Variants in TMEM178B observed in about 807,000 individuals in gnomAD.
TMEM178B encodes the protein transmembrane protein 178B.
A neutral mutation model predicts 31.0 loss-of-function variants in TMEM178B; 5 were observed. The observed-to-expected ratio is 0.16, with a 90% confidence interval of 0.08 to 0.34. TMEM178B has a LOEUF of 0.34. TMEM178B is among the 10% of genes least tolerant of loss of function. The probability of loss-of-function intolerance (pLI) is 1.00; values close to 1 mark genes in which losing one functional copy is unlikely to be tolerated. For missense variants in TMEM178B, 275 were observed against 400.3 expected (o/e 0.69, Z 2.67); for synonymous variants, 164 against 164.0 (o/e 1.00, Z 0.00).
At chr7:141,228,358 G>A (rs1797379662) in intron 2 of TMEM178B, among the ~76,000 whole-genome samples, 2 of 150,710 alleles carry the variant, frequency 1.3e-5, no homozygotes, top group South Asian at 4.2e-4. Context: ...AATTATTCAC[G>A]AACTCAGATT....
chr7:141,422,785 G>T lies in TMEM178B; in HGVS notation c.497-14823G>T, dbSNP rs1011452168. ...GCTCCCATGGGGAGAGAATAGAAAT[G>T]CAAGAAACTGTCACTCACCAACCTT... On this transcript the variant is annotated intron_variant, in intron 2 of 3. Coordinates refer to ENST00000565468, the MANE Select transcript of TMEM178B (RefSeq NM_001195278.2). This position sits in a 1 kb window ranked among gnomAD's most constrained non-coding sequence, Gnocchi z 4.2. Among the ~76,000 whole-genome samples, 4 of 152,124 alleles carry T rather than the reference G, an allele frequency of 2.6e-5. No individual in the cohort carries two copies. The highest frequency in any genetic ancestry group is 7.2e-5 in the African/African-American group (3 of 41,412).
intron 2 of TMEM178B, among the ~76,000 whole-genome samples, chr7:141,381,464 T>C (rs1413409831): frequency 6.6e-6 from 1 of 152,206 alleles, no homozygotes; most frequent in Non-Finnish European, 1.5e-5. Flanking sequence ...GTGTTTGTTT[T>C]TTATATTTCT....
intron 2 of TMEM178B, among the ~76,000 whole-genome samples, chr7:141,402,328 T>C (rs1800798057): frequency 6.6e-6 from 1 of 152,230 alleles, no homozygotes; most frequent in Admixed American, 6.5e-5. Flanking sequence ...TGTGTGGTAT[T>C]GGCCAGCGTG....
intron 1 of TMEM178B, among the ~76,000 whole-genome samples, chr7:141,094,437 T>C (rs911922656): frequency 6.6e-6 from 1 of 152,202 alleles, no homozygotes; most frequent in Non-Finnish European, 1.5e-5. Context: ...AACCTTACTC[T>C]ATTCTATTTG....
At chr7:141,238,427 C>G (rs746986581) in intron 2 of TMEM178B, among the ~76,000 whole-genome samples, 1 of 152,112 alleles carries the variant, frequency 6.6e-6, no homozygotes, top group Non-Finnish European at 1.5e-5. Flanking sequence ...GCTTAGCGTG[C>G]GATAGAGAGC....
At chr7:141,356,676 T>C (rs1799825709) in intron 2 of TMEM178B, among the ~76,000 whole-genome samples, 1 of 151,326 alleles carries the variant, frequency 6.6e-6, no homozygotes, top group Non-Finnish European at 1.5e-5. Flanking sequence ...TGCCTCAGGA[T>C]GAGCTGTCCA....
At chr7:141,175,229 C>T (rs1327728707) in intron 1 of TMEM178B, among the ~76,000 whole-genome samples, 1 of 152,124 alleles carries the variant, frequency 6.6e-6, no homozygotes, top group Non-Finnish European at 1.5e-5. Context: ...ATCCTTTCCC[C>T]ATTGCTTGTT....
intron 1 of TMEM178B, among the ~76,000 whole-genome samples, chr7:141,169,221 C>T (rs1047480262): frequency 6.6e-6 from 1 of 152,204 alleles, no homozygotes; most frequent in South Asian, 2.1e-4. Context: ...CGATAGGCCC[C>T]AGTGTGTTGT....
intron 1 of TMEM178B, among the ~76,000 whole-genome samples, chr7:141,208,015 C>T (rs1324363018): frequency 6.8e-6 from 1 of 147,774 alleles, no homozygotes; most frequent in Admixed American, 6.6e-5. Context: ...TATAGTGAGA[C>T]CCCCATCTCT....
chr7:141,212,495 A>G, intron 1 of TMEM178B, 96 bp from the exon 2 acceptor site: 1 of 994,988 alleles, frequency 1.0e-6, no homozygotes, highest in Non-Finnish European at 1.5e-6. Flanking sequence ...AATATGAAAG[A>G]AGTCTTCTTC....
chr7:141,484,272 G>A (rs1802522709), downstream of TMEM178B, among the ~76,000 whole-genome samples: 1 of 152,140 alleles, frequency 6.6e-6, no homozygotes, highest in Non-Finnish European at 1.5e-5. The surrounding 1 kb of genome is among the most constrained non-coding windows in gnomAD (Gnocchi z 4.8). Flanking sequence ...GAAAATCTGG[G>A]ATTGAAAATA....
intron 1 of TMEM178B, among the ~76,000 whole-genome samples, chr7:141,203,195 A>C (rs1796907019): frequency 6.6e-6 from 1 of 152,182 alleles, no homozygotes; most frequent in Admixed American, 6.5e-5. Flanking sequence ...ACGAAGCCTG[A>C]GCCTTAAATC....
the TMEM178B span, among the ~76,000 whole-genome samples, chr7:141,493,170 C>G: frequency 6.6e-6 from 1 of 152,158 alleles, no homozygotes; most frequent in Non-Finnish European, 1.5e-5. Context: ...TGTGTGACAT[C>G]TCCCCAACCC....
Position 141,470,842 on chromosome 7 carries a change from T to C in TMEM178B, c.*56T>C. ...TAAATATATATATATAATATACATA[T>C]ATAAAACAAAACAAAACTAAATCAA... is the stretch of plus-strand genomic sequence containing the variant. On this transcript the variant is annotated 3_prime_UTR_variant, in exon 4 of 4. Coordinates refer to ENST00000565468, the MANE Select transcript of TMEM178B (RefSeq NM_001195278.2). 2 of 955,612 alleles carry C rather than the reference T, an allele frequency of 2.1e-6. No homozygotes were observed. Among genetic ancestry groups the C allele is most frequent in the Non-Finnish European group, 2.6e-6 (2 of 772,022 alleles). 59.2% of individuals were successfully genotyped at this position (955,612 alleles called of 1,614,324 possible). A position where few individuals can be genotyped will look rare whatever the true frequency, so the allele number is the denominator to read the frequency against.
chr7:141,248,128 T>G (rs547967828), intron 2 of TMEM178B, among the ~76,000 whole-genome samples: 36 of 152,178 alleles, frequency 2.4e-4, no homozygotes, highest in African/African-American at 8.7e-4. Context: ...TGGGGATACG[T>G]GGCCGGGCAC....
intron 2 of TMEM178B, among the ~76,000 whole-genome samples, chr7:141,274,270 C>T (rs1363058998): frequency 6.6e-6 from 1 of 152,188 alleles, no homozygotes; most frequent in Non-Finnish European, 1.5e-5. Context: ...TTGTTTTATT[C>T]AGTCTTATGC....
chr7:141,261,441 T>C (rs1798010738), intron 2 of TMEM178B, among the ~76,000 whole-genome samples: 1 of 151,968 alleles, frequency 6.6e-6, no homozygotes, highest in African/African-American at 2.4e-5. Context: ...ACGCTACCAT[T>C]GGGGTATAGG....
chr7:141,458,391 G>T (rs1166058193), intron 3 of TMEM178B, among the ~76,000 whole-genome samples: 1 of 152,142 alleles, frequency 6.6e-6, no homozygotes. Flanking sequence ...TAAACTCTTA[G>T]ATCTAGGAGA....
chr7:141,451,587 C>T (rs1291612243), intron 3 of TMEM178B, among the ~76,000 whole-genome samples: 1 of 152,116 alleles, frequency 6.6e-6, no homozygotes, highest in Non-Finnish European at 1.5e-5. Context: ...CAGCTCATGA[C>T]CTGGTAAGGT....
Sources: gnomAD v4.1 joint callset for allele counts (sites outside exome capture counted in the v4.1 genomes callset) on GRCh38, gnomAD v4.1.1 for gene constraint, Gnocchi (gnomAD v3.1) non-coding constraint, MANE v1.5 for transcripts, NCBI Gene and HGNC (gene_info 2026-07-23, HGNC 2026-07-21) for gene names.